CEP63: variants seen among roughly 807,000 people sequenced by gnomAD.
CEP63 encodes the protein centrosomal protein 63.
Under a neutral mutation model 89.1 loss-of-function variants are expected in CEP63, and 84 were observed. That is an observed-to-expected ratio of 0.94 (90% confidence interval 0.79 to 1.13). The LOEUF (loss-of-function observed/expected upper bound fraction) is 1.13. CEP63 is among the 50% of genes most tolerant of loss of function. The pLI is 0.00. For synonymous variants in CEP63, 267 were observed against 272.5 expected (o/e 0.98, Z 0.20); for missense variants, 838 against 813.3 (o/e 1.03, Z -0.37).
chr3:134,487,828 A>G (rs1161756213), intron 1 of CEP63, among the ~76,000 whole-genome samples: 3 of 152,252 alleles, frequency 2.0e-5, no homozygotes, highest in Non-Finnish European at 4.4e-5. Context: ...TGTTTGAACC[A>G]AAATCCCACA....
downstream of CEP63, among the ~76,000 whole-genome samples, chr3:134,568,118 T>C (rs1202819920): frequency 6.6e-6 from 1 of 152,124 alleles, no homozygotes; most frequent in Non-Finnish European, 1.5e-5. Flanking sequence ...TTTTCTGGAG[T>C]GGCTATCCCT....
the CEP63 span, among the ~76,000 whole-genome samples, chr3:134,692,037 C>T: frequency 5.3e-5 from 8 of 152,122 alleles, no homozygotes; most frequent in Admixed American, 1.3e-4. Flanking sequence ...ACTGAATATC[C>T]CTTTGGTGTT....
At chr3:134,628,148 G>T in the CEP63 span, 315,658 of 320,154 alleles carry the variant, frequency 0.99, 155,768 homozygotes, top group East Asian at 1. Context: ...CTCTTTTGGA[G>T]TTTCCTGCTT....
At chr3:134,518,043 C>T (rs1324308547) in intron 3 of CEP63, among the ~76,000 whole-genome samples, 1 of 152,086 alleles carries the variant, frequency 6.6e-6, no homozygotes, top group East Asian at 1.9e-4. Context: ...ACATCAAAGC[C>T]AGAAGCAATA....
At chr3:134,658,928 G>C in the CEP63 span, among the ~76,000 whole-genome samples, 1 of 152,168 alleles carries the variant, frequency 6.6e-6, no homozygotes, top group East Asian at 1.9e-4. Flanking sequence ...TGATCAGTTT[G>C]TCAGCCACTC....
At chr3:134,510,565 G>T in intron 3 of CEP63, 1 of 546,804 alleles carries the variant, frequency 1.8e-6, no homozygotes, top group Non-Finnish European at 3.3e-6. Flanking sequence ...TTGTACCTGT[G>T]AACACATTTG....
the CEP63 span, among the ~76,000 whole-genome samples, chr3:134,751,318 G>C: frequency 1.3e-4 from 20 of 152,324 alleles, no homozygotes; most frequent in Middle Eastern, 6.8e-3. Flanking sequence ...ATCGTGAATA[G>C]TGCTGCTATG....
At chr3:134,600,981 G>A in the CEP63 span, 1 of 152,198 alleles carries the variant, frequency 6.6e-6, no homozygotes, top group African/African-American at 2.4e-5. Flanking sequence ...GATCAGCCTC[G>A]CGGTGTGCAG....
At chr3:134,594,007 A>G in the CEP63 span, among the ~76,000 whole-genome samples, 1 of 152,232 alleles carries the variant, frequency 6.6e-6, no homozygotes, top group African/African-American at 2.4e-5. Flanking sequence ...ACAGCCTTCA[A>G]GTGCTGCCAG....
chr3:134,749,785 C>T, the CEP63 span, among the ~76,000 whole-genome samples: 3 of 135,498 alleles, frequency 2.2e-5, no homozygotes, highest in Non-Finnish European at 4.7e-5. Context: ...AAATGAGAGA[C>T]CAGCAGAGAA....
chr3:134,605,561 G>A, the CEP63 span, among the ~76,000 whole-genome samples: 1 of 152,150 alleles, frequency 6.6e-6, no homozygotes. Flanking sequence ...ATGATGGGGA[G>A]GCTGCTTAGA....
intron 3 of CEP63, among the ~76,000 whole-genome samples, chr3:134,524,889 A>G (rs1577046636): frequency 6.6e-6 from 1 of 152,112 alleles, no homozygotes; most frequent in East Asian, 1.9e-4. Flanking sequence ...GTTGATGCAC[A>G]ACCCATAGAA....
intron 10 of CEP63, among the ~76,000 whole-genome samples, chr3:134,587,055 G>A (rs1460066451): frequency 6.6e-6 from 1 of 152,130 alleles, no homozygotes; most frequent in Non-Finnish European, 1.5e-5. Context: ...GTCATTTAAT[G>A]TCTTCTCTAT....
At chr3:134,540,508 G>T (rs929139707) in intron 6 of CEP63, among the ~76,000 whole-genome samples, 7 of 152,000 alleles carry the variant, frequency 4.6e-5, no homozygotes, top group Non-Finnish European at 2.9e-5. Context: ...TCCAATGATG[G>T]ATTGATAGAC....
the CEP63 span, among the ~76,000 whole-genome samples, chr3:134,684,888 A>C: frequency 6.6e-6 from 1 of 152,174 alleles, no homozygotes; most frequent in Non-Finnish European, 1.5e-5. Flanking sequence ...TGAACCCAGC[A>C]TTGGCATGAG....
At chr3:134,704,958 A>G in the CEP63 span, among the ~76,000 whole-genome samples, 1 of 152,214 alleles carries the variant, frequency 6.6e-6, no homozygotes, top group East Asian at 1.9e-4. Context: ...TCTTATAACC[A>G]GTTTCCAAGA....
chr3:134,592,844 C>A, the CEP63 span, among the ~76,000 whole-genome samples: 2 of 151,926 alleles, frequency 1.3e-5, no homozygotes, highest in Non-Finnish European at 2.9e-5. Flanking sequence ...TTTTCTTTTT[C>A]TTTTCATCTG....
At chr3:134,681,210 T>A in the CEP63 span, among the ~76,000 whole-genome samples, 1 of 152,184 alleles carries the variant, frequency 6.6e-6, no homozygotes, top group Non-Finnish European at 1.5e-5. Flanking sequence ...ATTAGCCTTC[T>A]GTGGCTATTC....
chr3:134,545,523 T>A (rs1044565339), intron 6 of CEP63, 63 bp from the exon 7 acceptor site: 2 of 1,126,566 alleles, frequency 1.8e-6, no homozygotes, highest in Non-Finnish European at 2.7e-6. Flanking sequence ...TTCATTTTAG[T>A]CTTATTCATT....
Sources: allele counts gnomAD v4.1 joint callset (sites outside exome capture counted in the v4.1 genomes callset), GRCh38; gene constraint gnomAD v4.1.1; transcripts MANE v1.5; gene names NCBI Gene and HGNC (gene_info 2026-07-23, HGNC 2026-07-21).